Variants in POGZ observed in about 807,000 individuals in gnomAD.
POGZ encodes the protein pogo transposable element derived with ZNF domain.
In POGZ, 17 loss-of-function variants were observed where a neutral mutation model predicts 134.6. The observed-to-expected ratio is 0.13, with a 90% confidence interval of 0.09 to 0.19. The LOEUF is 0.19. Among genes scored for constraint, POGZ ranks in the 10% least tolerant of loss-of-function variants. The pLI, the probability that POGZ is intolerant of heterozygous loss-of-function variation, is 1.00. For missense variants in POGZ, 1,306 were observed against 1,769.7 expected, an observed-to-expected ratio of 0.74 and a Z score of 4.70; for synonymous variants, 693 against 657.1, an observed-to-expected ratio of 1.05 and a Z score of -0.84.
intron 1 of POGZ, among the ~76,000 whole-genome samples, chr1:151,458,469 G>A (rs1663040107): frequency 6.6e-6 from 1 of 152,044 alleles, no homozygotes; most frequent in South Asian, 2.1e-4. Flanking sequence ...AGACCAAGCA[G>A]AGATTACATA....
At chr1:151,439,019 G>C (rs1297974553) in intron 3 of POGZ, 1 of 152,134 alleles carries the variant, frequency 6.6e-6, no homozygotes, top group African/African-American at 2.4e-5. Context: ...TGTGGTAGTG[G>C]GTTATCAGAA....
intron 10 of POGZ, among the ~76,000 whole-genome samples, chr1:151,419,335 C>A (rs969650087): frequency 4.0e-5 from 6 of 150,230 alleles, no homozygotes; most frequent in Non-Finnish European, 8.9e-5. Context: ...GCACTCCAGC[C>A]TAGGTGACAG....
chr1:151,452,965 C>T (rs1662316363), intron 1 of POGZ, among the ~76,000 whole-genome samples: 1 of 151,618 alleles, frequency 6.6e-6, no homozygotes, highest in Non-Finnish European at 1.5e-5. Flanking sequence ...TGGAGTCTCG[C>T]TCAGTTGCCC....
chr1:151,436,957 G>T (rs895791190), intron 3 of POGZ, among the ~76,000 whole-genome samples: 5 of 152,120 alleles, frequency 3.3e-5, no homozygotes, highest in African/African-American at 1.2e-4. Context: ...ACTTTGGTAG[G>T]CCAAGACAGG....
Position 151,408,593 on chromosome 1 carries a change from G to A in POGZ, c.2062-12C>T. ...GCCCGGATTGTCACCTGAGAACCAA[G>A]GGAAGTAACAATGAGACATCACCCA... is the stretch of plus-strand genomic sequence containing the variant. On this transcript the variant is annotated splice_polypyrimidine_tract_variant and intron_variant, in intron 13 of 18. Coordinates refer to ENST00000271715, the MANE Select transcript of POGZ (RefSeq NM_015100.4). 1 of 1,610,524 alleles carries A rather than the reference G, an allele frequency of 6.2e-7. No individual in the cohort carries two copies. Among genetic ancestry groups the A allele is most frequent in the South Asian group, 1.1e-5 (1 of 90,530 alleles).
At chr1:151,417,068 CTTT>C (rs562262990) in intron 10 of POGZ, among the ~76,000 whole-genome samples, 3 of 144,962 alleles carry the variant, frequency 2.1e-5, no homozygotes, top group Non-Finnish European at 3.0e-5. Context: ...TCTGTTAGAT[CTTT>C]TTTTTTTTTT....
At position 151,427,960 on chromosome 1, in the gene POGZ, C is replaced by T. The variant is rs1658054971; in HGVS notation, c.941G>A (p.Ser314Asn). 1.2e-6 allele frequency: 2 copies of T among 1,614,134 alleles called. No homozygotes were observed. The highest frequency in any genetic ancestry group is 1.7e-6 in the Non-Finnish European group (2 of 1,180,022). The change falls in exon 7 of 19, where the codon AGC becomes AAC. Residue 314 changes from serine to asparagine, a missense_variant. Transcript: ENST00000271715. ...VKRPGVTGEN[S>N]NEVAKLVNTL... is the part of the protein sequence containing the mutation. The stretch of plus-strand genomic sequence containing the variant: ...ATTCACCAATTTGGCCACTTCATTG[C>T]TATTTTCGCCTGTAACACCAGGTCG...
intron 3 of POGZ, among the ~76,000 whole-genome samples, chr1:151,433,585 G>A (rs369310217): frequency 1.7e-5 from 2 of 117,048 alleles, no homozygotes; most frequent in South Asian, 2.7e-4. Context: ...TCCAGTCTGA[G>A]CAATAAGCGA....
intron 12 of POGZ, 37 bp downstream of exon 12, chr1:151,411,588 A>G (rs753260648): frequency 6.6e-7 from 1 of 1,506,144 alleles, no homozygotes; most frequent in East Asian, 2.3e-5. Context: ...AAAAAAAAAA[A>G]AACAAGAGAA....
At chr1:151,451,493 AT>A (rs1315094167) in intron 1 of POGZ, among the ~76,000 whole-genome samples, 8 of 151,364 alleles carry the variant, frequency 5.3e-5, no homozygotes. Context: ...TGCCTGGCTC[AT>A]TTTGTACTTT....
intron 1 of POGZ, among the ~76,000 whole-genome samples, chr1:151,445,095 G>A (rs948791490): frequency 6.6e-6 from 1 of 152,140 alleles, no homozygotes; most frequent in Non-Finnish European, 1.5e-5. Flanking sequence ...AAAAAGGGTA[G>A]ATCTGAAAAG....
intron 3 of POGZ, among the ~76,000 whole-genome samples, chr1:151,439,892 T>C (rs1458145785): frequency 6.6e-6 from 1 of 152,164 alleles, no homozygotes; most frequent in Non-Finnish European, 1.5e-5. Context: ...CTGAAGCTCT[T>C]AAAAATAGCA....
At chr1:151,430,865 A>T in intron 3 of POGZ, 24 bp from the exon 4 acceptor site, 1 of 1,509,978 alleles carries the variant, frequency 6.6e-7, no homozygotes, top group South Asian at 1.3e-5. Context: ...GAAGAAAAAA[A>T]AAAAGGAATG....
chr1:151,414,745 A>G (rs1182813933), intron 10 of POGZ, among the ~76,000 whole-genome samples: 1 of 152,140 alleles, frequency 6.6e-6, no homozygotes, highest in Admixed American at 6.5e-5. Context: ...TGGCGCCACT[A>G]CACTCCAGCC....
At chr1:151,431,435 A>G (rs1358628295) in intron 3 of POGZ, among the ~76,000 whole-genome samples, 1 of 152,224 alleles carries the variant, frequency 6.6e-6, no homozygotes, top group African/African-American at 2.4e-5. Context: ...TTAATTTTTT[A>G]AAAAGAATAT....
intron 7 of POGZ, 119 bp from the exon 8 acceptor site, chr1:151,425,180 A>C (rs1375540558): frequency 3.2e-6 from 2 of 621,892 alleles, no homozygotes; most frequent in Non-Finnish European, 6.0e-6. Context: ...AGCAAGCATG[A>C]GAGATCACTA....
intron 17 of POGZ, 101 bp downstream of exon 17, chr1:151,406,810 T>G (rs966963401): frequency 9.9e-7 from 1 of 1,006,644 alleles, no homozygotes; most frequent in African/African-American, 1.6e-5. Context: ...ATCTCAACAG[T>G]GAATGAGTGA....
chr1:151,442,284 T>G, intron 1 of POGZ, 79 bp from the exon 2 acceptor site: 1 of 1,294,158 alleles, frequency 7.7e-7, no homozygotes. Context: ...AATCAGAACT[T>G]TGACTCCATT....
chr1:151,436,132 A>G (rs1410183746), intron 3 of POGZ, among the ~76,000 whole-genome samples: 1 of 151,174 alleles, frequency 6.6e-6, no homozygotes, highest in East Asian at 2.0e-4. Context: ...AGTTTTTTAT[A>G]TTTTTAGTAG....
Sources: allele counts gnomAD v4.1 joint callset (sites outside exome capture counted in the v4.1 genomes callset), GRCh38; gene constraint gnomAD v4.1.1; transcripts MANE v1.5; gene names NCBI Gene and HGNC (gene_info 2026-07-23, HGNC 2026-07-21).